Variants in RBFOX1 observed in about 807,000 individuals in gnomAD.
The protein encoded by RBFOX1 is RNA binding fox-1 homolog 1, also known as RNA binding protein fox-1 homolog 1.
A neutral mutation model predicts 57.7 loss-of-function variants in RBFOX1; 8 were observed. That is an observed-to-expected ratio of 0.14 (90% CI 0.08 to 0.25). RBFOX1 has a LOEUF of 0.25. RBFOX1 is among the 10% of genes least tolerant of loss of function. RBFOX1 has a pLI of 1.00. For missense variants in RBFOX1, 611 were observed against 548.5 expected (o/e 1.11, Z -1.14); for synonymous variants, 326 against 222.4 (o/e 1.47, Z -4.15).
intron 3 of RBFOX1, among the ~76,000 whole-genome samples, chr16:7,019,882 C>T (rs1173343043): frequency 3.3e-5 from 5 of 152,174 alleles, no homozygotes; most frequent in Admixed American, 6.5e-5. Context: ...GACATTTTTG[C>T]GTGTGTTCCA....
At chr16:6,057,951 G>C (rs2095635550) in intron 1 of RBFOX1, among the ~76,000 whole-genome samples, 1 of 150,256 alleles carries the variant, frequency 6.7e-6, no homozygotes, top group Non-Finnish European at 1.5e-5. Flanking sequence ...TCAAAGATGA[G>C]GGGAAATCTT....
At chr16:6,427,528 G>T (rs2152998647) in intron 2 of RBFOX1, among the ~76,000 whole-genome samples, 1 of 152,260 alleles carries the variant, frequency 6.6e-6, no homozygotes, top group East Asian at 1.9e-4. Context: ...AGAGGCGTAT[G>T]TATGGACATT....
At chr16:6,938,180 C>T (rs971028575) in intron 3 of RBFOX1, among the ~76,000 whole-genome samples, 3 of 152,172 alleles carry the variant, frequency 2.0e-5, no homozygotes, top group Non-Finnish European at 4.4e-5. Flanking sequence ...TCTGGATTTA[C>T]TTTCCTAGTG....
intron 2 of RBFOX1, among the ~76,000 whole-genome samples, chr16:6,628,294 C>T (rs911765378): frequency 2.0e-5 from 3 of 152,176 alleles, no homozygotes; most frequent in East Asian, 1.9e-4. Context: ...TTCCCGTTAA[C>T]GGTTCATTAA....
At chr16:5,797,353 C>T (rs759849542) in intron 3 of RBFOX1, among the ~76,000 whole-genome samples, 1 of 152,208 alleles carries the variant, frequency 6.6e-6, no homozygotes, top group Admixed American at 6.5e-5. Context: ...TTGGGACCCT[C>T]CACTTCAAGG....
intron 4 of RBFOX1, among the ~76,000 whole-genome samples, chr16:7,291,155 T>G (rs918037717): frequency 2.6e-5 from 4 of 152,124 alleles, no homozygotes; most frequent in South Asian, 4.1e-4. Context: ...GAGGGAGATA[T>G]GTAGAAGAAG....
intron 2 of RBFOX1, among the ~76,000 whole-genome samples, chr16:6,563,792 A>T (rs183603059): frequency 6.6e-6 from 1 of 151,964 alleles, no homozygotes; most frequent in African/African-American, 2.4e-5. Flanking sequence ...AGCCACTGCA[A>T]TCCAGTCTAG....
In RBFOX1 at chr16:6,893,473, C is replaced by T. The variant is rs181532446; in HGVS notation, c.-15-158584C>T. Reference sequence around the variant, plus strand: ...TTAAACCTGAACTCTAGTAGCTGTGCGATAGAGAGGTCCCTTGTCAGTATC... The same window carrying T: ...TTAAACCTGAACTCTAGTAGCTGTGTGATAGAGAGGTCCCTTGTCAGTATC... On this transcript the variant is annotated intron_variant, in intron 3 of 15. Transcript: ENST00000550418. Among the ~76,000 whole-genome samples, 6 of 152,116 alleles carry T rather than the reference C, an allele frequency of 3.9e-5. No homozygotes were observed. In the East Asian group the frequency reaches 1.2e-3, roughly 29 times the overall value.
intron 3 of RBFOX1, among the ~76,000 whole-genome samples, chr16:6,842,893 C>T (rs775886146): frequency 6.6e-6 from 1 of 152,182 alleles, no homozygotes; most frequent in South Asian, 2.1e-4. Context: ...CATTGTTCAA[C>T]TCCGACTTAT....
At chr16:7,159,960 C>T (rs569038216) in intron 4 of RBFOX1, among the ~76,000 whole-genome samples, 9 of 152,234 alleles carry the variant, frequency 5.9e-5, no homozygotes, top group African/African-American at 1.9e-4. Flanking sequence ...ATCAGAATTC[C>T]TTCCTTGAGG....
intron 4 of RBFOX1, among the ~76,000 whole-genome samples, chr16:7,484,601 T>A (rs529207175): frequency 4.6e-5 from 7 of 152,318 alleles, no homozygotes; most frequent in South Asian, 2.1e-4. Flanking sequence ...TAGCTGCGAC[T>A]ACAGGCGCCC....
intron 3 of RBFOX1, among the ~76,000 whole-genome samples, chr16:6,870,975 T>C (rs574510261): frequency 2.4e-4 from 36 of 152,216 alleles, no homozygotes; most frequent in Non-Finnish European, 5.1e-4. Context: ...TGGATGTAAG[T>C]GGATGAAGCC....
chr16:6,907,205 C>G (rs1227278514), intron 3 of RBFOX1, among the ~76,000 whole-genome samples: 1 of 152,078 alleles, frequency 6.6e-6, no homozygotes, highest in Non-Finnish European at 1.5e-5. Context: ...GGGCAGGGGC[C>G]AGGGATGTTG....
rs5815301 is a variant in RBFOX1 at position 6,344,694 on chromosome 16, GT to G, written c.-64+27658del. 5.6e-3 allele frequency among the ~76,000 whole-genome samples: 497 copies of G among 88,326 alleles called. 2 individuals are homozygous for G. The highest frequency in any genetic ancestry group is 6.8e-3 in the Non-Finnish European group (322 of 47,052). 57.9% of individuals were successfully genotyped at this position (88,326 alleles called of 152,430 possible). On this transcript the variant is annotated intron_variant, in intron 2 of 15. Transcript: ENST00000550418. ...TTACAGGCGTGAGCCACCGAGCCCG[GT>G]TTTTTTTTTTTTTTTTTTTTGAGAC...
At position 7,590,918 on chromosome 16, in the gene RBFOX1, G is replaced by C. The variant is rs112303860; in HGVS notation, c.468+3618G>C. Among the ~76,000 whole-genome samples, 345 of 150,062 alleles carry C rather than the reference G, an allele frequency of 2.3e-3. 5 individuals carry two copies. Among genetic ancestry groups the C allele is most frequent in the African/African-American group, 8.0e-3 (327 of 40,896 alleles). On this transcript the variant is annotated intron_variant, in intron 7 of 15. Transcript: ENST00000550418. ...TTGATCTTTGATTCAGTAGATATCA[G>C]TAAGTATTTGCTGCATTTCATGAGA...
intron 2 of RBFOX1, among the ~76,000 whole-genome samples, chr16:5,480,266 G>A (rs968034581): frequency 1.3e-5 from 2 of 151,982 alleles, no homozygotes; most frequent in Middle Eastern, 3.2e-3. Flanking sequence ...GCCATTGGGG[G>A]ATTTTCTCCT....
intron 3 of RBFOX1, among the ~76,000 whole-genome samples, chr16:6,730,920 C>A (rs987326366): frequency 2.0e-5 from 3 of 152,152 alleles, no homozygotes; most frequent in African/African-American, 7.2e-5. Flanking sequence ...AGATTTCTAT[C>A]TTTGACAGGT....
intron 2 of RBFOX1, among the ~76,000 whole-genome samples, chr16:6,383,218 C>G (rs1221963980): frequency 6.6e-6 from 1 of 152,198 alleles, no homozygotes; most frequent in Non-Finnish European, 1.5e-5. Flanking sequence ...TTGATGGCAG[C>G]CTGGATGAAA....
chr16:5,733,133 A>G (rs1365349094), intron 3 of RBFOX1, among the ~76,000 whole-genome samples: 1 of 152,226 alleles, frequency 6.6e-6, no homozygotes, highest in Non-Finnish European at 1.5e-5. Flanking sequence ...TCTGAAATGA[A>G]ATAGGCAGTC....
Sources: allele counts gnomAD v4.1 joint callset (sites outside exome capture counted in the v4.1 genomes callset), GRCh38; gene constraint gnomAD v4.1.1; transcripts MANE v1.5; gene names NCBI Gene and HGNC (gene_info 2026-07-23, HGNC 2026-07-21).